The following NCAPG2 variants were observed in gnomAD, a reference collection of about 807,000 sequenced individuals.
NCAPG2 encodes the protein non-SMC condensin II complex subunit G2.
A neutral mutation model predicts 141.1 loss-of-function variants in NCAPG2; 53 were observed. That is an observed-to-expected ratio of 0.38 (90% CI 0.30 to 0.47). The LOEUF is 0.47. Ranked by LOEUF, NCAPG2 falls within the 20% of genes least tolerant of loss-of-function variation. The pLI, the probability that NCAPG2 is intolerant of heterozygous loss-of-function variation, is 0.99. For synonymous variants in NCAPG2, 499 were observed against 490.7 expected (o/e 1.02, Z -0.22); for missense variants, 1,087 against 1,389.0 (o/e 0.78, Z 3.46).
At chr7:158,666,792 G>A (rs1254559786) in intron 13 of NCAPG2, among the ~76,000 whole-genome samples, 2 of 152,056 alleles carry the variant, frequency 1.3e-5, no homozygotes, top group East Asian at 1.9e-4. Flanking sequence ...ATAAAAAGAA[G>A]ACAATGCATT....
At chr7:158,680,142 T>G in intron 10 of NCAPG2, 57 bp from the exon 11 acceptor site, 1 of 1,546,868 alleles carries the variant, frequency 6.5e-7, no homozygotes, top group Non-Finnish European at 8.8e-7. Flanking sequence ...TACGAAGGCT[T>G]AAGTACAGTG....
intron 10 of NCAPG2, 138 bp from the exon 11 acceptor site, chr7:158,680,223 A>G: frequency 2.9e-6 from 3 of 1,033,594 alleles, no homozygotes; most frequent in Non-Finnish European, 4.1e-6. Flanking sequence ...TAACGTTTAA[A>G]TTGACCAAAC....
At chr7:158,672,955 G>A (rs1833838979) in intron 12 of NCAPG2, among the ~76,000 whole-genome samples, 1 of 152,228 alleles carries the variant, frequency 6.6e-6, no homozygotes, top group South Asian at 2.1e-4. Flanking sequence ...CCTCCTCACA[G>A]ATGACCCATC....
chr7:158,638,922 C>T (rs535545454), intron 27 of NCAPG2, among the ~76,000 whole-genome samples: 4 of 151,974 alleles, frequency 2.6e-5, no homozygotes, highest in Non-Finnish European at 5.9e-5. Flanking sequence ...TCAAAAAAGA[C>T]AAAAAAGAAA....
intron 24 of NCAPG2, 135 bp downstream of exon 24, chr7:158,650,697 G>C: frequency 8.9e-7 from 1 of 1,120,244 alleles, no homozygotes; most frequent in African/African-American, 1.6e-5. Flanking sequence ...TAGCTGCTAG[G>C]AAAGTGCACC....
At position 158,687,290 on chromosome 7, in the gene NCAPG2, G is replaced by A. The variant is rs954883675; in HGVS notation, c.767+58C>T. 2.5e-6 allele frequency: 3 copies of A among 1,212,880 alleles called. No individual in the cohort carries two copies. In the East Asian group the frequency reaches 7.2e-5, roughly 29 times the overall value. 75.1% of individuals were successfully genotyped at this position (1,212,880 alleles called of 1,614,324 possible). On this transcript the variant is annotated intron_variant, in intron 7 of 27. Transcript: ENST00000356309. ...TATAACTTAAGAAGTCAGACCAAAT[G>A]GAATCTTTCAAAACCAGATTAAGAC...
chr7:158,635,274 CTG>C (rs1830109359), intron 27 of NCAPG2, among the ~76,000 whole-genome samples: 1 of 152,008 alleles, frequency 6.6e-6, no homozygotes, highest in Admixed American at 6.6e-5. Context: ...AAAAAAAAGA[CTG>C]TTAAAATTAA....
At chr7:158,650,731 T>TA (rs1427586879) in intron 24 of NCAPG2, 101 bp downstream of exon 24, 87 of 1,416,390 alleles carry the variant, frequency 6.1e-5, no homozygotes, top group Non-Finnish European at 7.6e-5. Flanking sequence ...TGAAAATTCT[T>TA]AAAAAATACT....
At chr7:158,660,237 T>C (rs1461755639) in intron 16 of NCAPG2, among the ~76,000 whole-genome samples, 4 of 152,092 alleles carry the variant, frequency 2.6e-5, no homozygotes, top group African/African-American at 7.2e-5. Context: ...AGACTTCTTA[T>C]AGACATACTC....
At chr7:158,640,622 G>T (rs1197725420) in intron 27 of NCAPG2, 1 of 152,016 alleles carries the variant, frequency 6.6e-6, no homozygotes, top group Non-Finnish European at 1.5e-5. Context: ...TCCCTGCAAA[G>T]AAATAAAGTA....
chr7:158,648,409 G>C (rs1309775839), intron 24 of NCAPG2, among the ~76,000 whole-genome samples: 3 of 149,578 alleles, frequency 2.0e-5, no homozygotes, highest in African/African-American at 7.4e-5. Context: ...AAAACAGAAA[G>C]ACTAACAGAA....
At chr7:158,698,056 C>G (rs1835567625) in intron 2 of NCAPG2, among the ~76,000 whole-genome samples, 1 of 152,100 alleles carries the variant, frequency 6.6e-6, no homozygotes, top group African/African-American at 2.4e-5. Flanking sequence ...CAATAAACCC[C>G]CATGAGACAA....
At chr7:158,658,795 T>C (rs1014361159) in intron 16 of NCAPG2, among the ~76,000 whole-genome samples, 13 of 152,278 alleles carry the variant, frequency 8.5e-5, no homozygotes, top group African/African-American at 3.1e-4. Flanking sequence ...ACACTTGGTA[T>C]CCTGAACACA....
intron 27 of NCAPG2, among the ~76,000 whole-genome samples, chr7:158,637,093 GCC>G (rs1177951611): frequency 8.6e-5 from 13 of 151,848 alleles, no homozygotes; most frequent in Non-Finnish European, 1.8e-4. Flanking sequence ...GACTACAGGC[GCC>G]CGCCACCATG....
intron 27 of NCAPG2, among the ~76,000 whole-genome samples, chr7:158,638,745 G>A (rs1830450993): frequency 6.6e-6 from 1 of 152,172 alleles, no homozygotes. Flanking sequence ...ACAAGTCTCT[G>A]TAGAATAAGT....
intron 27 of NCAPG2, chr7:158,641,574 A>AC: frequency 1.6e-6 from 1 of 618,026 alleles, no homozygotes; most frequent in Non-Finnish European, 2.9e-6. Context: ...AAAAAAAAAA[A>AC]GGAAATGAAT....
chr7:158,679,889 C>T, intron 11 of NCAPG2, 71 bp downstream of exon 11: 2 of 1,562,562 alleles, frequency 1.3e-6, no homozygotes, highest in Non-Finnish European at 1.7e-6. Context: ...TGGGGACACA[C>T]ACAAGCAGTA....
At chr7:158,699,247 T>C (rs966973334) in intron 2 of NCAPG2, among the ~76,000 whole-genome samples, 1 of 152,300 alleles carries the variant, frequency 6.6e-6, no homozygotes, top group African/African-American at 2.4e-5. Flanking sequence ...TGTTAAATGA[T>C]GGAATTCTCC....
intron 12 of NCAPG2, among the ~76,000 whole-genome samples, chr7:158,673,773 G>A (rs73516462): frequency 0.01 from 1,528 of 152,332 alleles, 27 homozygotes; most frequent in African/African-American, 0.034. Flanking sequence ...TGCAAGAGGC[G>A]CACGGCTCCC....
Sources: allele counts gnomAD v4.1 joint callset (sites outside exome capture counted in the v4.1 genomes callset), GRCh38; gene constraint gnomAD v4.1.1; transcripts MANE v1.5; gene names NCBI Gene and HGNC (gene_info 2026-07-23, HGNC 2026-07-21).